MECOM: variants seen among roughly 807,000 people sequenced by gnomAD.
MECOM encodes MDS1 and EVI1 complex locus.
In MECOM, 13 loss-of-function variants were observed where a neutral mutation model predicts 116.3. The observed-to-expected ratio is 0.11, with a 90% CI of 0.07 to 0.18. The LOEUF (loss-of-function observed/expected upper bound fraction) is 0.18. Among genes scored for constraint, MECOM ranks in the 10% least tolerant of loss-of-function variants. MECOM has a pLI of 1.00. For missense variants in MECOM, 1,299 were observed against 1,509.0 expected, an observed-to-expected ratio of 0.86 and a Z score of 2.31; for synonymous variants, 528 against 535.2, an observed-to-expected ratio of 0.99 and a Z score of 0.19.
At chr3:169,224,938 G>A (rs1752556543) in intron 2 of MECOM, among the ~76,000 whole-genome samples, 1 of 152,152 alleles carries the variant, frequency 6.6e-6, no homozygotes, top group African/African-American at 2.4e-5. Context: ...TTGGCAAAAT[G>A]TATGTGTGTA....
chr3:169,237,639 G>A (rs1456215812), intron 2 of MECOM, among the ~76,000 whole-genome samples: 2 of 140,428 alleles, frequency 1.4e-5, no homozygotes, highest in Admixed American at 7.2e-5. Flanking sequence ...AAAAAAATGT[G>A]GCACTTACTG....
At chr3:169,208,174 CAGTCTT>C (rs1213034415) in intron 2 of MECOM, among the ~76,000 whole-genome samples, 1 of 151,236 alleles carries the variant, frequency 6.6e-6, no homozygotes, top group Non-Finnish European at 1.5e-5. Context: ...TATTATAACA[CAGTCTT>C]AGTCTTCTAG....
chr3:169,453,503 T>A (rs891993835), intron 1 of MECOM, among the ~76,000 whole-genome samples: 2 of 152,168 alleles, frequency 1.3e-5, no homozygotes, highest in African/African-American at 4.8e-5. Context: ...ATTAGGGACA[T>A]TTTTTTCTTT....
Position 169,112,771 on chromosome 3 carries a change from A to G in MECOM, c.2577+16T>C, listed in dbSNP as rs372785174. 6.9e-6 allele frequency: 11 copies of G among 1,598,780 alleles called. No individual in the cohort carries two copies. The highest frequency in any genetic ancestry group is 1.7e-5 in the Admixed American group (1 of 58,916). On this transcript the variant is annotated intron_variant, in intron 9 of 16. Coordinates refer to ENST00000651503, the MANE Select transcript of MECOM (RefSeq NM_004991.4). ...GTTAGTTTACAAGCTGGAAATCTCA[A>G]ATCCAAAATACTTACTTGTGGGTGA...
chr3:169,231,669 G>C (rs917406198), intron 2 of MECOM, among the ~76,000 whole-genome samples: 3 of 151,624 alleles, frequency 2.0e-5, no homozygotes, highest in Non-Finnish European at 2.9e-5. Flanking sequence ...ACCCCAGGAA[G>C]AGAAATCTTT....
intron 1 of MECOM, among the ~76,000 whole-genome samples, chr3:169,636,398 C>T (rs1471997467): frequency 6.6e-6 from 1 of 152,036 alleles, no homozygotes; most frequent in Non-Finnish European, 1.5e-5. Flanking sequence ...TTCTAATGCT[C>T]CAAAACAATG....
intron 2 of MECOM, among the ~76,000 whole-genome samples, chr3:169,198,511 G>A (rs2149442935): frequency 6.6e-6 from 1 of 151,886 alleles, no homozygotes; most frequent in Admixed American, 6.6e-5. Context: ...CATGGTTTAG[G>A]CATGAAGTTC....
chr3:169,533,843 TTA>T (rs913953514), intron 1 of MECOM, among the ~76,000 whole-genome samples: 2 of 152,180 alleles, frequency 1.3e-5, no homozygotes, highest in African/African-American at 4.8e-5. Flanking sequence ...CTAATTTTCT[TTA>T]GAGTCTAAGA....
At chr3:169,550,864 C>T (rs2109302440) in intron 1 of MECOM, among the ~76,000 whole-genome samples, 1 of 129,600 alleles carries the variant, frequency 7.7e-6, no homozygotes, top group Admixed American at 8.4e-5. Context: ...CGCTCTGTCG[C>T]CCAGGCTGGA....
intron 2 of MECOM, among the ~76,000 whole-genome samples, chr3:169,268,667 C>T (rs1048481625): frequency 6.6e-6 from 1 of 152,190 alleles, no homozygotes. Flanking sequence ...ACTTACCGCA[C>T]TCAACAGATT....
chr3:169,428,128 C>T (rs1420307876), intron 1 of MECOM, among the ~76,000 whole-genome samples: 1 of 152,134 alleles, frequency 6.6e-6, no homozygotes, highest in Non-Finnish European at 1.5e-5. Context: ...TGCTGTGAGC[C>T]AACATCACAC....
At chr3:169,555,311 C>T (rs77881800) in intron 1 of MECOM, among the ~76,000 whole-genome samples, 23,858 of 152,098 alleles carry the variant, frequency 0.16, 2,256 homozygotes, top group East Asian at 0.35. Flanking sequence ...AGTCTTTTCC[C>T]TCGGGGATTT....
intron 1 of MECOM, among the ~76,000 whole-genome samples, chr3:169,468,825 C>A (rs564108058): frequency 3.5e-4 from 54 of 152,166 alleles, no homozygotes; most frequent in Non-Finnish European, 7.2e-4. Context: ...TTACTTCATG[C>A]AAAAGCAGCC....
At chr3:169,440,569 T>C (rs964331309) in intron 1 of MECOM, among the ~76,000 whole-genome samples, 4 of 149,568 alleles carry the variant, frequency 2.7e-5, no homozygotes, top group Non-Finnish European at 4.5e-5. Context: ...GGGAGTGGGG[T>C]TGGGGTGGGG....
At chr3:169,363,050 C>T (rs1338566822) in intron 2 of MECOM, among the ~76,000 whole-genome samples, 4 of 151,866 alleles carry the variant, frequency 2.6e-5, no homozygotes, top group African/African-American at 4.8e-5. Context: ...CTTCACTACC[C>T]TGTATGCCAC....
intron 2 of MECOM, among the ~76,000 whole-genome samples, chr3:169,168,668 C>A (rs919809500): frequency 2.0e-5 from 3 of 151,950 alleles, no homozygotes; most frequent in Non-Finnish European, 4.4e-5. Context: ...TTGTTAGATT[C>A]TTGGTCCTTG....
At position 169,378,481 on chromosome 3, in the gene MECOM, G is replaced by GCA. The variant is rs1459137623; in HGVS notation, c.375+2705_375+2706insTG. 1.4e-3 allele frequency among the ~76,000 whole-genome samples: 56 copies of GCA among 39,754 alleles called. 4 individuals carry two copies. The highest frequency in any genetic ancestry group is 0.011 in the South Asian group (19 of 1,670). The allele number at this position is 39,754 out of a possible 152,430, so 26.1% of individuals were successfully genotyped here. On this transcript the variant is annotated intron_variant, in intron 2 of 16. Transcript: ENST00000651503. Reference sequence around the variant, plus strand: ...AGCAAGCAAGCAAGCAAGCAAGAAAGAGAGAGAGAAAGAAAGAAAGAAAGA... The same window carrying GCA: ...AGCAAGCAAGCAAGCAAGCAAGAAAGCAAGAGAGAGAAAGAAAGAAAGAAAGA...
At chr3:169,292,307 T>C (rs1416858354) in intron 2 of MECOM, among the ~76,000 whole-genome samples, 3 of 152,056 alleles carry the variant, frequency 2.0e-5, no homozygotes, top group Non-Finnish European at 4.4e-5. Context: ...CACCCCAGCC[T>C]GGGTGACAGA....
Position 169,663,280 on chromosome 3 carries a change from T to G in MECOM, c.37+56A>C, listed in dbSNP as rs374337716. On this transcript the variant is annotated intron_variant, in intron 1 of 16. Coordinates refer to ENST00000651503, the MANE Select transcript of MECOM (RefSeq NM_004991.4). ...TCCCTCCCGGAGCGCTAGAGACAGA[T>G]ATGCAAGATGGCAGAGGAGGGGGAA... 1.5e-3 allele frequency: 2,414 copies of G among 1,567,466 alleles called. 2 individuals carry two copies. The highest frequency in any genetic ancestry group is 2.0e-3 in the Non-Finnish European group (2,260 of 1,153,384).
Sources: gnomAD v4.1 joint callset for allele counts (sites outside exome capture counted in the v4.1 genomes callset) on GRCh38, gnomAD v4.1.1 for gene constraint, MANE v1.5 for transcripts, NCBI Gene and HGNC (gene_info 2026-07-23, HGNC 2026-07-21) for gene names.